Variants in SCAF11 observed in about 807,000 individuals in gnomAD.
SCAF11 encodes the protein SR-related CTD associated factor 11.
In SCAF11, 47 loss-of-function variants were observed where a neutral mutation model predicts 140.5. That is an observed-to-expected ratio of 0.33 (90% CI 0.26 to 0.43). SCAF11 has a LOEUF of 0.43. Ranked by LOEUF, SCAF11 falls within the 20% of genes least tolerant of loss-of-function variation. SCAF11 has a pLI of 1.00. For synonymous variants in SCAF11, 557 were observed against 579.4 expected, an observed-to-expected ratio of 0.96 and a Z score of 0.55; for missense variants, 1,645 against 1,705.1, an observed-to-expected ratio of 0.96 and a Z score of 0.62.
intron 1 of SCAF11, chr12:45,975,547 TG>T: frequency 5.2e-6 from 1 of 191,972 alleles, no homozygotes; most frequent in South Asian, 1.2e-4. Flanking sequence ...AACCAACCTC[TG>T]CTAGCTTCAA....
rs1347344867 is a variant in SCAF11, at chr12:45,990,384, C to A, written c.-53G>T. ...CCGAGGTCGAGGCGCTCGGTCCGGC[C>A]GCGGCCCCACAGTAGGTTCCCAGGT... On this transcript the variant is annotated 5_prime_UTR_variant, in exon 1 of 15. Coordinates refer to ENST00000369367, the MANE Select transcript of SCAF11 (RefSeq NM_004719.3). The A allele has an allele frequency of 1.6e-6, 2 of 1,232,298 alleles. No individual in the cohort carries two copies. The highest frequency in any genetic ancestry group is 1.0e-6 in the Non-Finnish European group (1 of 988,598). The allele number at this position is 1,232,298 out of a possible 1,614,324, so 76.3% of individuals were successfully genotyped here. A position where few individuals can be genotyped will look rare whatever the true frequency, so the allele number is the denominator to read the frequency against.
At chr12:45,963,290 T>C (rs1451579174) in intron 2 of SCAF11, among the ~76,000 whole-genome samples, 3 of 151,966 alleles carry the variant, frequency 2.0e-5, no homozygotes, top group Non-Finnish European at 4.4e-5. Flanking sequence ...AATCCATGCC[T>C]AGAAACAATG....
chr12:45,945,860 A>C lies in SCAF11; in HGVS notation c.399-547T>G, dbSNP rs943343545. Among the ~76,000 whole-genome samples the C allele has an allele frequency of 2.0e-5, 3 of 151,356 alleles. 1 individual carries two copies. The highest frequency in any genetic ancestry group is 4.4e-5 in the Non-Finnish European group (3 of 67,830). On this transcript the variant is annotated intron_variant, in intron 5 of 14. Transcript: ENST00000369367. The stretch of plus-strand genomic sequence containing the variant: ...TATATTTTTTATTCTTATTCTTATT[A>C]TTATTTTTTTTACTAGACACGAGGT...
chr12:45,972,135 T>A (rs1346928606), intron 1 of SCAF11, among the ~76,000 whole-genome samples: 1 of 152,152 alleles, frequency 6.6e-6, no homozygotes, highest in Non-Finnish European at 1.5e-5. Flanking sequence ...TCCACACATG[T>A]CACAGACTGG....
At chr12:45,949,776 T>A (rs1592192799) in intron 4 of SCAF11, among the ~76,000 whole-genome samples, 1 of 152,070 alleles carries the variant, frequency 6.6e-6, no homozygotes, top group Non-Finnish European at 1.5e-5. Context: ...CAGATAGAGA[T>A]GCACAAGTGG....
At chr12:45,964,082 A>G in intron 2 of SCAF11, 25 bp downstream of exon 2, 1 of 1,263,552 alleles carries the variant, frequency 7.9e-7, no homozygotes, top group Non-Finnish European at 1.1e-6. Context: ...TTCAACAAAC[A>G]AACTTTATAA....
At position 45,923,138 on chromosome 12, in the gene SCAF11, G is replaced by A; in HGVS notation, c.3923C>T (p.Ser1308Phe). The change falls in exon 13 of 15, where the codon TCT (serine) becomes TTT (phenylalanine). Residue 1308 changes from serine (S) to phenylalanine (F), a missense_variant. Physicochemically the swap from Ser to Phe is radical, Grantham distance 155. This residue lies in a region of SCAF11 where 1,582 missense variants were observed against 1,609.2 expected (regional missense o/e 0.98). Transcript: ENST00000369367. ...GKQLQGIPSS[S>F]HVSNNMSTPV... is the part of the protein sequence containing the mutation. ...TGTACTCATGTTATTACTTACATGAGAAGAACTAGGAATACCCTGTTTTAA... is the reference window on the plus strand; with the variant it reads ...TGTACTCATGTTATTACTTACATGAAAAGAACTAGGAATACCCTGTTTTAA... 6.2e-7 allele frequency: 1 copy of A among 1,613,720 alleles called. No individual in the cohort carries two copies. The highest frequency in any genetic ancestry group is 2.2e-5 in the East Asian group (1 of 44,866).
At chr12:45,969,245 C>T (rs978622146) in intron 1 of SCAF11, among the ~76,000 whole-genome samples, 3 of 152,254 alleles carry the variant, frequency 2.0e-5, no homozygotes, top group East Asian at 1.9e-4. Flanking sequence ...CCTCAAGCCG[C>T]GGGGAATCAG....
rs375180951 is a variant in SCAF11 at position 45,966,291 on chromosome 12, T to C, written c.-21-2103A>G. Among the ~76,000 whole-genome samples the C allele has an allele frequency of 2.0e-5, 3 of 151,674 alleles. No homozygotes were observed. In the East Asian group the frequency reaches 5.8e-4, roughly 29 times the overall value. ...ACTGTTCTGAAGGGAGGTAGAATAA[T>C]CTATCAATGAAAGTATTCAAGCAAA... On this transcript the variant is annotated intron_variant, in intron 1 of 14. Coordinates refer to ENST00000369367, the MANE Select transcript of SCAF11 (RefSeq NM_004719.3).
At chr12:45,990,603 C>G, upstream of SCAF11, 1 of 1,193,686 alleles carries the variant, frequency 8.4e-7, no homozygotes, top group Non-Finnish European at 1.0e-6. Context: ...CTAGCCTCCT[C>G]CCTCCCCTCC....
chr12:45,953,909 C>G, intron 3 of SCAF11: 1 of 967,720 alleles, frequency 1.0e-6, no homozygotes, highest in Non-Finnish European at 1.4e-6. Flanking sequence ...TTGTAATCAA[C>G]TAGTTTTAGT....
At position 45,928,399 on chromosome 12, in the gene SCAF11, A is replaced by C. The variant is rs767292485; in HGVS notation, c.1302T>G (p.Thr434=). The C allele has an allele frequency of 6.2e-7, 1 of 1,613,800 alleles. No homozygotes were observed. The highest frequency in any genetic ancestry group is 1.7e-5 in the Admixed American group (1 of 60,022). Residue 434 remains threonine, a synonymous_variant, in exon 11 of 15, where the codon ACT becomes ACG. Coordinates refer to ENST00000369367, the MANE Select transcript of SCAF11 (RefSeq NM_004719.3). ...QPDVDSSNIC[T]VQTHVENQSA... is the part of the protein sequence containing the mutation. ...ACTGGTTTTCTACATGAGTCTGCAC[A>C]GTACAAATGTTACTACTGTCTACAT...
chr12:45,966,183 G>A (rs1945942073), intron 1 of SCAF11, among the ~76,000 whole-genome samples: 1 of 152,162 alleles, frequency 6.6e-6, no homozygotes, highest in African/African-American at 2.4e-5. Flanking sequence ...CCTATCATAT[G>A]CAGAAAGGTA....
At chr12:45,990,025 C>T (rs2136682436) in intron 1 of SCAF11, among the ~76,000 whole-genome samples, 1 of 151,732 alleles carries the variant, frequency 6.6e-6, no homozygotes, top group East Asian at 2.0e-4. Context: ...GCTTCGCCAG[C>T]TAAGGCGGCG....
intron 1 of SCAF11, among the ~76,000 whole-genome samples, chr12:45,970,692 G>A (rs927616359): frequency 2.6e-5 from 4 of 152,278 alleles, no homozygotes; most frequent in African/African-American, 2.4e-5. Flanking sequence ...CTCCACTGTG[G>A]ACCTATGTTA....
intron 1 of SCAF11, among the ~76,000 whole-genome samples, chr12:45,986,406 C>T (rs1484583727): frequency 1.3e-5 from 2 of 152,134 alleles, no homozygotes; most frequent in Non-Finnish European, 2.9e-5. Context: ...ATCCCATCCA[C>T]TGAGCCCATC....
At chr12:45,968,084 A>T (rs960575219) in intron 1 of SCAF11, among the ~76,000 whole-genome samples, 1 of 152,144 alleles carries the variant, frequency 6.6e-6, no homozygotes, top group Non-Finnish European at 1.5e-5. Flanking sequence ...GATATATCTC[A>T]ATTTTGTGTT....
intron 6 of SCAF11, among the ~76,000 whole-genome samples, chr12:45,937,498 T>C (rs919342013): frequency 3.9e-5 from 6 of 152,198 alleles, no homozygotes; most frequent in Non-Finnish European, 1.5e-5. Flanking sequence ...AGATCCTTGA[T>C]TGTTTGCTGG....
At position 45,931,536 on chromosome 12, in the gene SCAF11, GA is replaced by G; in HGVS notation, c.810del (p.Pro271GlnfsTer19). On this transcript the variant is annotated frameshift_variant, in exon 10 of 15. Transcript: ENST00000369367. LOFTEE classifies it high-confidence loss of function. ...TGTTCGAAAGATATGGTACTTGTTGGAAAAATAGTTCTTGGCAACACAGAAG... is the reference window on the plus strand; with the variant it reads ...TGTTCGAAAGATATGGTACTTGTTGGAAAATAGTTCTTGGCAACACAGAAG... ...LISSVLPRTIFPTSTISFEHF... is the reference protein window; with the variant it reads ...LISSVLPRTIXPTSTISFEHF... The G allele has an allele frequency of 2.0e-6, 3 of 1,500,434 alleles. No homozygotes were observed. The highest frequency in any genetic ancestry group is 2.3e-5 in the Admixed American group (1 of 43,224). 92.9% of individuals were successfully genotyped at this position (1,500,434 alleles called of 1,614,324 possible).
Sources: gnomAD v4.1 joint callset for allele counts (sites outside exome capture counted in the v4.1 genomes callset) on GRCh38, gnomAD v4.1.1 for gene constraint, gnomAD v4.1.1 regional missense constraint, MANE v1.5 for transcripts, NCBI Gene and HGNC (gene_info 2026-07-23, HGNC 2026-07-21) for gene names.